The following OSBPL10 variants were observed in gnomAD, a reference collection of about 807,000 sequenced individuals.
OSBPL10 encodes the protein oxysterol binding protein like 10.
Under a neutral mutation model 81.7 loss-of-function variants are expected in OSBPL10, and 49 were observed. The observed-to-expected ratio is 0.60, with a 90% CI of 0.48 to 0.76. OSBPL10 has a LOEUF of 0.76. OSBPL10 is among the 30% of genes least tolerant of loss of function. The pLI is 0.00. For missense variants in OSBPL10, 923 were observed against 987.8 expected, an observed-to-expected ratio of 0.93 and a Z score of 0.88; for synonymous variants, 419 against 383.6, an observed-to-expected ratio of 1.09 and a Z score of -1.08.
chr3:32,018,837 T>C (rs971664658), intron 2 of OSBPL10, among the ~76,000 whole-genome samples: 3 of 151,796 alleles, frequency 2.0e-5, no homozygotes, highest in Non-Finnish European at 4.4e-5. Flanking sequence ...CTGGAAATAA[T>C]TGAATACAAA....
chr3:31,866,226 C>G (rs1465679035), intron 3 of OSBPL10, among the ~76,000 whole-genome samples: 2 of 152,164 alleles, frequency 1.3e-5, no homozygotes, highest in Admixed American at 1.3e-4. Context: ...CTCCTTCCCA[C>G]CCCAACAAAC....
chr3:32,075,094 C>T (rs1208033392), intron 1 of OSBPL10, among the ~76,000 whole-genome samples: 1 of 152,182 alleles, frequency 6.6e-6, no homozygotes, highest in East Asian at 1.9e-4. Flanking sequence ...ACTTGAATAG[C>T]AGGCATTTCA....
chr3:31,910,278 C>A (rs191372065), intron 1 of OSBPL10, among the ~76,000 whole-genome samples: 206 of 151,994 alleles, frequency 1.4e-3, no homozygotes, highest in African/African-American at 3.7e-3. Context: ...TGCACCTAGC[C>A]ATCTCCTGGC....
At chr3:32,015,891 A>T (rs1475976101) in intron 2 of OSBPL10, among the ~76,000 whole-genome samples, 1 of 152,236 alleles carries the variant, frequency 6.6e-6, no homozygotes, top group Non-Finnish European at 1.5e-5. Context: ...TCAAAACCAC[A>T]ATGAGATACC....
intron 3 of OSBPL10, among the ~76,000 whole-genome samples, chr3:31,836,059 T>C (rs1031721864): frequency 6.6e-6 from 1 of 152,192 alleles, no homozygotes; most frequent in African/African-American, 2.4e-5. Flanking sequence ...AGACCTAAAG[T>C]AGAAGTAAGA....
intron 3 of OSBPL10, among the ~76,000 whole-genome samples, chr3:31,837,196 T>C: frequency 6.6e-6 from 1 of 151,844 alleles, no homozygotes; most frequent in East Asian, 1.9e-4. Flanking sequence ...CTGATAACTG[T>C]TACACATTTT....
At chr3:31,773,808 C>T (rs189191138) in intron 4 of OSBPL10, among the ~76,000 whole-genome samples, 2 of 152,346 alleles carry the variant, frequency 1.3e-5, no homozygotes, top group East Asian at 3.9e-4. Context: ...CACTGCCTGG[C>T]ATCTCTCTTG....
At chr3:31,782,330 A>G (rs1432632363) in intron 4 of OSBPL10, among the ~76,000 whole-genome samples, 1 of 152,228 alleles carries the variant, frequency 6.6e-6, no homozygotes, top group African/African-American at 2.4e-5. Flanking sequence ...AAACCATACA[A>G]ATTCTAGACG....
chr3:31,920,411 G>A (rs888811843), intron 1 of OSBPL10, among the ~76,000 whole-genome samples: 2 of 152,212 alleles, frequency 1.3e-5, no homozygotes, highest in Admixed American at 6.5e-5. Flanking sequence ...CTTACTGAAG[G>A]AGGTAGGAGA....
chr3:31,900,680 C>A (rs757345519), intron 1 of OSBPL10, among the ~76,000 whole-genome samples: 2 of 152,212 alleles, frequency 1.3e-5, no homozygotes, highest in African/African-American at 2.4e-5. Flanking sequence ...CCACTGATTG[C>A]ATCAATGTTA....
intron 1 of OSBPL10, among the ~76,000 whole-genome samples, chr3:31,966,977 T>A (rs1698420474): frequency 6.6e-6 from 1 of 151,782 alleles, no homozygotes; most frequent in South Asian, 2.1e-4. Context: ...TTCATGTGAG[T>A]ATGAGCAAGT....
chr3:31,809,068 C>T (rs532301405), intron 4 of OSBPL10, among the ~76,000 whole-genome samples: 36 of 152,242 alleles, frequency 2.4e-4, no homozygotes, highest in South Asian at 1.9e-3. Flanking sequence ...TAATCACAAC[C>T]GCCACTACTA....
chr3:32,067,335 A>G (rs1699787643), intron 1 of OSBPL10, among the ~76,000 whole-genome samples: 1 of 152,138 alleles, frequency 6.6e-6, no homozygotes, highest in South Asian at 2.1e-4. Flanking sequence ...AGCCACTGCC[A>G]AAGCTCTGTG....
At chr3:32,050,661 ATT>A (rs57922283) in intron 1 of OSBPL10, among the ~76,000 whole-genome samples, 6,636 of 139,988 alleles carry the variant, frequency 0.047, 211 homozygotes, top group East Asian at 0.19. Context: ...ATACAAAAGG[ATT>A]TTTTTTTTTT....
intron 3 of OSBPL10, among the ~76,000 whole-genome samples, chr3:31,874,003 T>G (rs1188592397): frequency 2.0e-5 from 3 of 152,174 alleles, no homozygotes; most frequent in East Asian, 3.8e-4. Context: ...CCTAAACTTC[T>G]AAATTATTAT....
chr3:31,954,938 G>A (rs541792289), intron 1 of OSBPL10, among the ~76,000 whole-genome samples: 6 of 152,320 alleles, frequency 3.9e-5, no homozygotes, highest in African/African-American at 1.4e-4. Flanking sequence ...ATAATAAAAT[G>A]TCAGTTGTAG....
chr3:32,056,710 CAA>C (rs1699715531), intron 1 of OSBPL10, among the ~76,000 whole-genome samples: 1 of 152,328 alleles, frequency 6.6e-6, no homozygotes, highest in East Asian at 1.9e-4. Context: ...CGTCCCTCTG[CAA>C]CCCTTGTAAA....
chr3:31,892,630 C>A (rs1397287715), intron 1 of OSBPL10, among the ~76,000 whole-genome samples: 4 of 152,222 alleles, frequency 2.6e-5, no homozygotes, highest in Non-Finnish European at 1.5e-5. Flanking sequence ...GCTTGGGGAT[C>A]ATGCCTGGGC....
intron 4 of OSBPL10, among the ~76,000 whole-genome samples, chr3:31,778,802 A>T (rs538010285): frequency 6.6e-5 from 10 of 152,326 alleles, no homozygotes; most frequent in Admixed American, 6.5e-4. Context: ...AAGAATCTTA[A>T]CAGCTGTGAG....
Sources: allele counts gnomAD v4.1 joint callset (sites outside exome capture counted in the v4.1 genomes callset), GRCh38; gene constraint gnomAD v4.1.1; transcripts MANE v1.5; gene names NCBI Gene and HGNC (gene_info 2026-07-23, HGNC 2026-07-21).